The following CDCP2 variants were observed in gnomAD, a reference collection of about 807,000 sequenced individuals.
CDCP2 encodes CUB domain-containing protein 2.
A neutral mutation model predicts 31.0 loss-of-function variants in CDCP2; 31 were observed. The observed-to-expected ratio is 1.00, with a 90% CI of 0.75 to 1.35. CDCP2 has a LOEUF of 1.35. Ranked by LOEUF, CDCP2 falls within the 40% of genes most tolerant of loss-of-function variation. The pLI is 0.00. For synonymous variants in CDCP2, 206 were observed against 207.9 expected (o/e 0.99, Z 0.08); for missense variants, 443 against 482.6 (o/e 0.92, Z 0.77).
intron 1 of CDCP2, among the ~76,000 whole-genome samples, chr1:54,148,965 T>TAAA (rs57570905): frequency 1.2e-4 from 14 of 120,000 alleles, no homozygotes; most frequent in African/African-American, 3.6e-4. Flanking sequence ...ATGAATTGTT[T>TAAA]AAAAAAAAAA....
intron 1 of CDCP2, among the ~76,000 whole-genome samples, chr1:54,147,706 A>G (rs1659499881): frequency 6.6e-6 from 1 of 151,714 alleles, no homozygotes; most frequent in South Asian, 2.1e-4. Context: ...AAGAATAACA[A>G]CACTAGGAAA....
At chr1:54,132,793 T>G (rs997942294), downstream of CDCP2, 4 of 397,116 alleles carry the variant, frequency 1.0e-5, no homozygotes, top group African/African-American at 8.2e-5. Context: ...CCTCTGAGCC[T>G]CATGCCAGCC....
chr1:54,148,973 A>AT (rs879439844), intron 1 of CDCP2, among the ~76,000 whole-genome samples: 3,099 of 140,906 alleles, frequency 0.022, 75 homozygotes, highest in Admixed American at 0.065. Flanking sequence ...TTTAAAAAAA[A>AT]AATATATATA....
At chr1:54,139,772 G>A in exon 4 of CDCP2, 1 of 1,614,220 alleles carries the variant, frequency 6.2e-7, no homozygotes, top group South Asian at 1.1e-5. Flanking sequence ...AGGCCACAGA[G>A]AAGCCCCTGC....
At chr1:54,136,119 G>A (rs79707474) in intron 5 of CDCP2, among the ~76,000 whole-genome samples, 288 of 152,314 alleles carry the variant, frequency 1.9e-3, no homozygotes, top group African/African-American at 6.4e-3. Flanking sequence ...CCTTGAAAGG[G>A]CCTTTTGTGC....
At chr1:54,144,382 A>C (rs1268142345) in intron 2 of CDCP2, 84 bp downstream of exon 2, 1 of 1,254,788 alleles carries the variant, frequency 8.0e-7, no homozygotes, top group Non-Finnish European at 1.1e-6. Flanking sequence ...CCTGGGATCA[A>C]GTAATCCTCC....
chr1:54,144,393 C>T (rs1659423750), intron 2 of CDCP2, 73 bp downstream of exon 2: 1 of 1,332,598 alleles, frequency 7.5e-7, no homozygotes, highest in Admixed American at 2.3e-5. Context: ...GTAATCCTCC[C>T]ACTTTGGCTT....
At chr1:54,141,202 C>G in exon 3 of CDCP2, 1 of 1,603,656 alleles carries the variant, frequency 6.2e-7, no homozygotes, top group Non-Finnish European at 8.5e-7. Context: ...GGGCCTGGTG[C>G]TGCCACAGTA....
At chr1:54,148,613 C>T (rs1267997309) in intron 1 of CDCP2, among the ~76,000 whole-genome samples, 1 of 151,368 alleles carries the variant, frequency 6.6e-6, no homozygotes, top group Admixed American at 6.6e-5. Flanking sequence ...GCTAGAGGAA[C>T]ATTTTAAGTA....
intron 4 of CDCP2, 111 bp from the exon 5 acceptor site, chr1:54,136,919 C>G: frequency 2.5e-6 from 1 of 398,222 alleles, no homozygotes; most frequent in Non-Finnish European, 4.4e-6. Context: ...AACTGAGGCC[C>G]AGAGTAGGAA....
chr1:54,148,804 A>T (rs1463785642), intron 1 of CDCP2, among the ~76,000 whole-genome samples: 1 of 151,336 alleles, frequency 6.6e-6, no homozygotes, highest in Non-Finnish European at 1.5e-5. Context: ...GCCGAGGCAG[A>T]AGGATCACCT....
intron 1 of CDCP2, among the ~76,000 whole-genome samples, chr1:54,148,546 A>G (rs1557709250): frequency 1.3e-5 from 2 of 151,742 alleles, no homozygotes; most frequent in South Asian, 4.1e-4. Flanking sequence ...AAAAAAATGA[A>G]GAAATATGAA....
At chr1:54,139,652 G>GGC in intron 4 of CDCP2, 101 bp downstream of exon 4, 1 of 1,613,434 alleles carries the variant, frequency 6.2e-7, no homozygotes, top group Non-Finnish European at 8.5e-7. Context: ...TCATGGGGGG[G>GGC]GCAGGACAAA....
At chr1:54,141,333 C>T (rs147754408) in exon 3 of CDCP2, 120 of 1,614,076 alleles carry the variant, frequency 7.4e-5, no homozygotes, top group Non-Finnish European at 9.8e-5. Flanking sequence ...GGCCAGCGGC[C>T]CGGATCACCC....
intron 1 of CDCP2, 28 bp from the exon 2 acceptor site, chr1:54,144,841 A>G (rs780552370): frequency 6.4e-6 from 10 of 1,561,384 alleles, no homozygotes; most frequent in Middle Eastern, 1.7e-4. Context: ...TATGGCTGAG[A>G]CTCCGTGCTG....
chr1:54,134,481 G>A (rs1340624819), intron 5 of CDCP2, among the ~76,000 whole-genome samples: 1 of 152,204 alleles, frequency 6.6e-6, no homozygotes, highest in East Asian at 1.9e-4. Flanking sequence ...GGTCAGCAGT[G>A]ATGCAGAACT....
At chr1:54,139,246 G>A in intron 4 of CDCP2, 2 of 415,524 alleles carry the variant, frequency 4.8e-6, no homozygotes, top group Non-Finnish European at 8.6e-6. Context: ...ATAACATTTG[G>A]AACAGTGTTG....
chr1:54,146,459 C>T (rs1250045321), intron 1 of CDCP2, among the ~76,000 whole-genome samples: 1 of 151,858 alleles, frequency 6.6e-6, no homozygotes, highest in Non-Finnish European at 1.5e-5. Flanking sequence ...GGATTATAGG[C>T]ATGAGCCACC....
At chr1:54,139,529 G>A (rs1250409176) in intron 4 of CDCP2, 2 of 1,613,002 alleles carry the variant, frequency 1.2e-6, no homozygotes, top group East Asian at 2.2e-5. Flanking sequence ...GTTAGAAGCT[G>A]GGGAAGGAGG....
Sources: gnomAD v4.1 joint callset for allele counts (sites outside exome capture counted in the v4.1 genomes callset) on GRCh38, gnomAD v4.1.1 for gene constraint, MANE v1.5 for transcripts, NCBI Gene and HGNC (gene_info 2026-07-23, HGNC 2026-07-21) for gene names.